PCDHGA1: variants seen among roughly 807,000 people sequenced by gnomAD.
PCDHGA1 encodes the protein protocadherin gamma-A1.
A neutral mutation model predicts 58.0 loss-of-function variants in PCDHGA1; 32 were observed. That is an observed-to-expected ratio of 0.55 (90% CI 0.42 to 0.74). The LOEUF (loss-of-function observed/expected upper bound fraction) is 0.74. Ranked by LOEUF, PCDHGA1 falls within the 30% of genes least tolerant of loss-of-function variation. The probability of loss-of-function intolerance (pLI) is 0.00; values close to 1 mark genes in which losing one functional copy is unlikely to be tolerated. For missense variants in PCDHGA1, 1,205 were observed against 1,182.3 expected, an observed-to-expected ratio of 1.02 and a Z score of -0.28; for synonymous variants, 498 against 501.1, an observed-to-expected ratio of 0.99 and a Z score of 0.08.
chr5:141,423,750 T>TGGG lies in PCDHGA1; in HGVS notation c.2422-71049_2422-71047dup, dbSNP rs144521096. 4.7e-3 allele frequency: 1,348 copies of TGGG among 288,070 alleles called. 1 individual carries two copies. The highest frequency in any genetic ancestry group is 5.4e-3 in the Non-Finnish European group (1,192 of 221,408). 17.8% of individuals were successfully genotyped at this position (288,070 alleles called of 1,614,324 possible). A position where few individuals can be genotyped will look rare whatever the true frequency, so the allele number is the denominator to read the frequency against. ...TTTTGAGCCTGTTATGAAAACTGTT[T>TGGG]GGGGGGGGGGTGGGGCGGCATATAT... is the stretch of plus-strand genomic sequence containing the variant. On this transcript the variant is annotated intron_variant, in intron 1 of 3. Coordinates refer to ENST00000517417, the MANE Select transcript of PCDHGA1 (RefSeq NM_018912.3).
At chr5:141,358,301 A>G (rs1561516430) in intron 1 of PCDHGA1, among the ~76,000 whole-genome samples, 2 of 152,228 alleles carry the variant, frequency 1.3e-5, no homozygotes, top group South Asian at 2.1e-4. Flanking sequence ...GTAAATTCAC[A>G]TTTACAATAT....
chr5:141,394,128 G>T, intron 1 of PCDHGA1: 10 of 1,613,730 alleles, frequency 6.2e-6, no homozygotes, highest in Non-Finnish European at 5.9e-6. Context: ...AACTCAAATC[G>T]CTCTGCACGT....
At chr5:141,413,220 C>A in intron 1 of PCDHGA1, 1 of 1,613,330 alleles carries the variant, frequency 6.2e-7, no homozygotes, top group South Asian at 1.1e-5. Flanking sequence ...AGGATTGCAG[C>A]GGGCTGGTCC....
Position 141,360,292 on chromosome 5 carries a change from G to A in PCDHGA1, c.2421+27187G>A, listed in dbSNP as rs575305955. On this transcript the variant is annotated intron_variant, in intron 1 of 3. Coordinates refer to ENST00000517417, the MANE Select transcript of PCDHGA1 (RefSeq NM_018912.3). ...CTCGGTCGTAGGAAACCTCGCCAAG[G>A]ATCTGGGGCTCAGCGTCCGGGACTT... 1.9e-6 allele frequency: 3 copies of A among 1,613,988 alleles called. No individual in the cohort carries two copies. In the East Asian group the frequency reaches 6.7e-5, roughly 36 times the overall value.
At position 141,332,203 on chromosome 5, in the gene PCDHGA1, A is replaced by T; in HGVS notation, c.1519A>T (p.Ile507Phe). The change falls in exon 1 of 4, where the codon ATC (isoleucine) becomes TTC (phenylalanine). Residue 507 changes from isoleucine (I) to phenylalanine (F), a missense_variant. Coordinates refer to ENST00000517417, the MANE Select transcript of PCDHGA1 (RefSeq NM_018912.3). This position sits in a 1 kb window ranked among gnomAD's most constrained non-coding sequence, Gnocchi z 4.6. ...GGCACCCCTATCTGCCTACCTCTCC[A>T]TCAACTCCGACACTGGGGTCCTGTA... The part of the protein sequence containing the change: ...QGAPLSAYLS[I>F]NSDTGVLYAL... 1 of 1,614,166 alleles carries T rather than the reference A, an allele frequency of 6.2e-7. No individual in the cohort carries two copies. The highest frequency in any genetic ancestry group is 8.5e-7 in the Non-Finnish European group (1 of 1,180,020).
In PCDHGA1 at chr5:141,491,759, G is replaced by C. The variant is rs746395685; in HGVS notation, c.2422-3048G>C. 3 of 1,575,392 alleles carry C rather than the reference G, an allele frequency of 1.9e-6. No individual in the cohort carries two copies. Among genetic ancestry groups the C allele is most frequent in the Non-Finnish European group, 2.6e-6 (3 of 1,161,808 alleles). ...GGGGGCGGCACTGGAGAAGCCGCCC[G>C]TCCTCATAAGGGATTGAACTTGCAT... On this transcript the variant is annotated intron_variant, in intron 1 of 3. Coordinates refer to ENST00000517417, the MANE Select transcript of PCDHGA1 (RefSeq NM_018912.3). The surrounding 1 kb of genome is among the most constrained non-coding windows in gnomAD (Gnocchi z 6.9).
rs866878519 is a variant in PCDHGA1, at chr5:141,486,035, C to A, written c.2422-8772C>A. ...TTATTTCAGTGGTCATACCCCTGAT[C>A]GTGTAAGAAACCTCTTTAGCCTGCA... is the stretch of plus-strand genomic sequence containing the variant. On this transcript the variant is annotated intron_variant, in intron 1 of 3. Coordinates refer to ENST00000517417, the MANE Select transcript of PCDHGA1 (RefSeq NM_018912.3). This position sits in a 1 kb window ranked among gnomAD's most constrained non-coding sequence, Gnocchi z 5.0. The A allele has an allele frequency of 1.9e-6, 3 of 1,614,100 alleles. No homozygotes were observed. The East Asian group carries it at 6.7e-5, about 36-fold the overall frequency.
In PCDHGA1 at chr5:141,485,132, T is replaced by C. The variant is rs1020670896; in HGVS notation, c.2422-9675T>C. On this transcript the variant is annotated intron_variant, in intron 1 of 3. Transcript: ENST00000517417. This position sits in a 1 kb window ranked among gnomAD's most constrained non-coding sequence, Gnocchi z 5.7. ...GGCTGTTTGGGGCGGGTCGGCTTCATCCGCGTCTCAGGAGCAAGTAGAGAA... is the reference window on the plus strand; with the variant it reads ...GGCTGTTTGGGGCGGGTCGGCTTCACCCGCGTCTCAGGAGCAAGTAGAGAA... 8.1e-6 allele frequency: 12 copies of C among 1,489,136 alleles called. No individual in the cohort carries two copies. Among genetic ancestry groups the C allele is most frequent in the East Asian group, 2.3e-5 (1 of 44,214 alleles). The allele number at this position is 1,489,136 out of a possible 1,614,324, so 92.2% of individuals were successfully genotyped here.
At position 141,332,571 on chromosome 5, in the gene PCDHGA1, G is replaced by C. The variant is rs1756415149; in HGVS notation, c.1887G>C (p.Ala629=). 6.2e-7 allele frequency: 1 copy of C among 1,612,338 alleles called. No homozygotes were observed. The highest frequency in any genetic ancestry group is 1.7e-5 in the Admixed American group (1 of 59,980). Residue 629 remains alanine (A), a synonymous_variant, in exon 1 of 4, where the codon GCG becomes GCC. Transcript: ENST00000517417. The surrounding 1 kb of genome is among the most constrained non-coding windows in gnomAD (Gnocchi z 4.6). ...VGLHTGEVRT[A]RALLDRDALK... is the part of the protein sequence containing the mutation. ...TGCACACGGGCGAGGTGCGCACGGC[G>C]CGAGCCCTGCTGGACAGAGACGCGC...
At chr5:141,344,969 C>T in intron 1 of PCDHGA1, 1 of 1,613,690 alleles carries the variant, frequency 6.2e-7, no homozygotes, top group East Asian at 2.2e-5. Context: ...ATGAGGATGC[C>T]ATGTTCTATG....
intron 1 of PCDHGA1, chr5:141,365,016 G>T: frequency 5.0e-6 from 8 of 1,613,880 alleles, no homozygotes; most frequent in Non-Finnish European, 6.8e-6. Context: ...ACGCACATCC[G>T]TGTTACGGTC....
rs1215626157 is a variant in PCDHGA1, at chr5:141,487,804, GT to G, written c.2422-7000del. ...TCGTGAATTAACCAGAGTTGTCACAGTTTAGCATTGGGGGCGGGTCATGCCT... is the reference window on the plus strand; with the variant it reads ...TCGTGAATTAACCAGAGTTGTCACAGTTAGCATTGGGGGCGGGTCATGCCT... On this transcript the variant is annotated intron_variant, in intron 1 of 3. Transcript: ENST00000517417. The surrounding 1 kb of genome is among the most constrained non-coding windows in gnomAD (Gnocchi z 5.0). 15 of 1,451,846 alleles carry G rather than the reference GT, an allele frequency of 1.0e-5. No homozygotes were observed. The highest frequency in any genetic ancestry group is 1.3e-5 in the Non-Finnish European group (14 of 1,072,382). 89.9% of individuals were successfully genotyped at this position (1,451,846 alleles called of 1,614,324 possible).
chr5:141,509,872 G>T (rs968745661), intron 3 of PCDHGA1, among the ~76,000 whole-genome samples: 16 of 152,166 alleles, frequency 1.1e-4, no homozygotes, highest in Non-Finnish European at 1.5e-5. Context: ...CCAAGCTGCT[G>T]GTGGTGATGG....
At chr5:141,440,770 G>A (rs2098199385) in intron 1 of PCDHGA1, 1 of 152,176 alleles carries the variant, frequency 6.6e-6, no homozygotes, top group African/African-American at 2.4e-5. Flanking sequence ...CCATCCCTTA[G>A]TGCTAGCAGC....
intron 1 of PCDHGA1, chr5:141,342,899 A>G (rs1757224916): frequency 6.6e-6 from 1 of 152,192 alleles, no homozygotes; most frequent in Non-Finnish European, 1.5e-5. Flanking sequence ...TAAACAAAGG[A>G]AACTTCTTTC....
intron 1 of PCDHGA1, chr5:141,370,835 C>A: frequency 6.2e-7 from 1 of 1,613,964 alleles, no homozygotes; most frequent in Non-Finnish European, 8.5e-7. Flanking sequence ...AACTGGCTCT[C>A]ACTGGAGCCA....
chr5:141,476,716 C>T lies in PCDHGA1; in HGVS notation c.2422-18091C>T. On this transcript the variant is annotated intron_variant, in intron 1 of 3. Transcript: ENST00000517417. This position sits in a 1 kb window ranked among gnomAD's most constrained non-coding sequence, Gnocchi z 7.6. ...AGTACGCGGAGCTGGTGTTGGAGCG[C>T]GCCCTGGACCGAGAACGGGAGCCTA... 15 of 1,614,148 alleles carry T rather than the reference C, an allele frequency of 9.3e-6. No homozygotes were observed. The highest frequency in any genetic ancestry group is 1.3e-5 in the Non-Finnish European group (15 of 1,180,036).
chr5:141,474,169 T>C (rs1268235616), intron 1 of PCDHGA1, among the ~76,000 whole-genome samples: 2 of 152,232 alleles, frequency 1.3e-5, no homozygotes, highest in Non-Finnish European at 2.9e-5. Context: ...GGCCTTATTA[T>C]TGAGAAAACT....
chr5:141,365,394 C>A (rs1245270195), intron 1 of PCDHGA1: 2 of 1,613,822 alleles, frequency 1.2e-6, no homozygotes, highest in Admixed American at 1.7e-5. Context: ...CTGACCAGTT[C>A]GATCTCTGAA....
Sources: gnomAD v4.1 joint callset for allele counts (sites outside exome capture counted in the v4.1 genomes callset) on GRCh38, gnomAD v4.1.1 for gene constraint, Gnocchi (gnomAD v3.1) non-coding constraint, MANE v1.5 for transcripts, NCBI Gene and HGNC (gene_info 2026-07-23, HGNC 2026-07-21) for gene names.